The following ALKBH8 variants were observed in gnomAD, a reference collection of about 807,000 sequenced individuals.
ALKBH8 encodes alkB homolog 8, tRNA methyltransferase.
In ALKBH8, 36 loss-of-function variants were observed where a neutral mutation model predicts 59.8. That is an observed-to-expected ratio of 0.60 (90% confidence interval 0.46 to 0.79). The LOEUF is 0.79. Ranked by LOEUF, ALKBH8 falls within the 30% of genes least tolerant of loss-of-function variation. The pLI, the probability that ALKBH8 is intolerant of heterozygous loss-of-function variation, is 0.00. For synonymous variants in ALKBH8, 276 were observed against 273.6 expected, an observed-to-expected ratio of 1.01 and a Z score of -0.09; for missense variants, 768 against 801.0, an observed-to-expected ratio of 0.96 and a Z score of 0.50.
chr11:107,538,032 T>TC (rs1233412645), intron 7 of ALKBH8, among the ~76,000 whole-genome samples: 1 of 152,156 alleles, frequency 6.6e-6, no homozygotes, highest in East Asian at 1.9e-4. Context: ...GTTCTGAATT[T>TC]TTTTTTAATG....
intron 8 of ALKBH8, among the ~76,000 whole-genome samples, chr11:107,525,931 T>C (rs775649180): frequency 5.9e-5 from 9 of 151,962 alleles, no homozygotes; most frequent in Non-Finnish European, 1.3e-4. Context: ...CAGTAATATA[T>C]TAAACGTAAA....
In ALKBH8 at chr11:107,551,710, ATAAT is replaced by A. The variant is rs1565344847; in HGVS notation, c.700+94_700+97del. On this transcript the variant is annotated intron_variant, in intron 6 of 11. Coordinates refer to ENST00000428149, the MANE Select transcript of ALKBH8 (RefSeq NM_138775.3). ...ACTCCATCTCAAAAAAAAAAAAATA[ATAAT>A]AATAATAATAATAATATATCTGCCC... 236 of 315,972 alleles carry A rather than the reference ATAAT, an allele frequency of 7.5e-4. 1 individual carries two copies. Among genetic ancestry groups the A allele is most frequent in the African/African-American group, 5.0e-3 (204 of 40,812 alleles). The allele number at this position is 315,972 out of a possible 1,614,324, so 19.6% of individuals were successfully genotyped here. A position where few individuals can be genotyped will look rare whatever the true frequency, so the allele number is the denominator to read the frequency against.
At position 107,557,504 on chromosome 11, in the gene ALKBH8, T is replaced by C. The variant is rs567762492; in HGVS notation, c.130-501A>G. Among the ~76,000 whole-genome samples the C allele has an allele frequency of 2.0e-5, 3 of 152,250 alleles. No individual in the cohort carries two copies. The South Asian group carries it at 6.2e-4, about 32-fold the overall frequency. Reference sequence around the variant, plus strand: ...ATTAGGTTAAGGTGGTGATTAGGGGTGGGTTTAAACCTATTTCTGTCCGTT... The same window carrying C: ...ATTAGGTTAAGGTGGTGATTAGGGGCGGGTTTAAACCTATTTCTGTCCGTT... On this transcript the variant is annotated intron_variant, in intron 2 of 11. Transcript: ENST00000428149.
chr11:107,543,300 A>C (rs1245862056), intron 7 of ALKBH8, among the ~76,000 whole-genome samples: 1 of 152,112 alleles, frequency 6.6e-6, no homozygotes, highest in Non-Finnish European at 1.5e-5. Flanking sequence ...ACACCACTGC[A>C]CTCCAGCCTG....
chr11:107,560,345 G>A (rs1445855281), intron 2 of ALKBH8, among the ~76,000 whole-genome samples: 3 of 152,196 alleles, frequency 2.0e-5, no homozygotes, highest in Admixed American at 6.5e-5. Context: ...AACAAGGGCT[G>A]TAGTAGGATA....
chr11:107,511,877 A>AT (rs918255305), intron 10 of ALKBH8, among the ~76,000 whole-genome samples: 20 of 150,552 alleles, frequency 1.3e-4, no homozygotes, highest in South Asian at 4.2e-4. Context: ...CGCCCAGACA[A>AT]TTTTTTTTTT....
At chr11:107,517,234 A>G (rs1465518438) in intron 10 of ALKBH8, among the ~76,000 whole-genome samples, 2 of 152,198 alleles carry the variant, frequency 1.3e-5, no homozygotes. Context: ...CACTTGTTAG[A>G]TCTGGCCATT....
At chr11:107,560,084 A>G (rs1457216109) in intron 2 of ALKBH8, among the ~76,000 whole-genome samples, 1 of 152,328 alleles carries the variant, frequency 6.6e-6, no homozygotes, top group East Asian at 1.9e-4. Flanking sequence ...ATGCAATACT[A>G]TGCCCTGCTT....
chr11:107,517,050 A>C (rs1221950377), intron 10 of ALKBH8, among the ~76,000 whole-genome samples: 2 of 152,162 alleles, frequency 1.3e-5, no homozygotes, highest in Non-Finnish European at 2.9e-5. Context: ...AAAGCAAAAC[A>C]AAAACAAAAA....
chr11:107,531,174 G>C (rs12277351), intron 8 of ALKBH8, among the ~76,000 whole-genome samples: 1,591 of 151,788 alleles, frequency 0.01, 26 homozygotes, highest in African/African-American at 0.035. Flanking sequence ...TTTTTTAATG[G>C]CTCACATTTA....
At chr11:107,516,040 G>A (rs948280844) in intron 10 of ALKBH8, among the ~76,000 whole-genome samples, 2 of 152,086 alleles carry the variant, frequency 1.3e-5, no homozygotes, top group Non-Finnish European at 2.9e-5. Flanking sequence ...TCCTGAGTAC[G>A]CATATAGATT....
At chr11:107,554,749 C>G (rs898726687) in intron 3 of ALKBH8, among the ~76,000 whole-genome samples, 1 of 152,120 alleles carries the variant, frequency 6.6e-6, no homozygotes, top group East Asian at 1.9e-4. Flanking sequence ...AAATCATTTG[C>G]TAAATACATA....
chr11:107,554,130 G>T, intron 3 of ALKBH8, 152 bp from the exon 4 acceptor site: 1 of 922,092 alleles, frequency 1.1e-6, no homozygotes, highest in Non-Finnish European at 1.6e-6. Context: ...TATTAAAAGT[G>T]CAGAAACAAA....
chr11:107,560,710 T>C, intron 2 of ALKBH8, 55 bp downstream of exon 2: 1 of 1,485,398 alleles, frequency 6.7e-7, no homozygotes, highest in East Asian at 2.3e-5. Context: ...ATTAATATAA[T>C]ACATTAACAT....
chr11:107,544,694 T>A (rs1166272098), intron 7 of ALKBH8, among the ~76,000 whole-genome samples: 1 of 152,024 alleles, frequency 6.6e-6, no homozygotes, highest in Non-Finnish European at 1.5e-5. Flanking sequence ...ATTGGCCCAA[T>A]GCCACTTTAA....
chr11:107,520,140 T>C (rs1433789989), intron 10 of ALKBH8, among the ~76,000 whole-genome samples: 1 of 152,200 alleles, frequency 6.6e-6, no homozygotes, highest in Non-Finnish European at 1.5e-5. Context: ...TATTTTGGTT[T>C]TCATGTAAGA....
Position 107,504,186 on chromosome 11 carries a change from A to C in ALKBH8, c.*472T>G. The C allele has an allele frequency of 3.4e-6, 1 of 297,732 alleles. No homozygotes were observed. The highest frequency in any genetic ancestry group is 7.7e-5 in the South Asian group (1 of 12,990). 18.4% of individuals were successfully genotyped at this position (297,732 alleles called of 1,614,324 possible). A position where few individuals can be genotyped will look rare whatever the true frequency, so the allele number is the denominator to read the frequency against. The stretch of plus-strand genomic sequence containing the variant: ...CCCGCTATACGTCCAGCCCTGGGCT[A>C]GTCAGGCATGGAAATAGAATGGTTA... On this transcript the variant is annotated 3_prime_UTR_variant, in exon 12 of 12. Coordinates refer to ENST00000428149, the MANE Select transcript of ALKBH8 (RefSeq NM_138775.3).
chr11:107,510,989 C>CCT lies in ALKBH8; in HGVS notation c.1333_1334dup (p.Gln446GlyfsTer49). 2.6e-6 allele frequency: 4 copies of CCT among 1,551,942 alleles called. No homozygotes were observed. Among genetic ancestry groups the CCT allele is most frequent in the Non-Finnish European group, 3.5e-6 (4 of 1,146,988 alleles). On this transcript the variant is annotated frameshift_variant, in exon 11 of 12. Transcript: ENST00000428149. LOFTEE classifies it high-confidence loss of function. ...CATCACAGACAAAAGCCTGAAATTG[C>CCT]CTCTCTCTACAAATGTCCACAAGGT... is the stretch of plus-strand genomic sequence containing the variant.
intron 7 of ALKBH8, among the ~76,000 whole-genome samples, chr11:107,535,439 T>C (rs949089436): frequency 6.6e-6 from 1 of 152,180 alleles, no homozygotes; most frequent in African/African-American, 2.4e-5. Flanking sequence ...ATTTTTTTAT[T>C]ATGGTCATTC....
Sources: allele counts gnomAD v4.1 joint callset (sites outside exome capture counted in the v4.1 genomes callset), GRCh38; gene constraint gnomAD v4.1.1; transcripts MANE v1.5; gene names NCBI Gene and HGNC (gene_info 2026-07-23, HGNC 2026-07-21).